MTHFSD: variants seen among roughly 807,000 people sequenced by gnomAD.
MTHFSD encodes methenyltetrahydrofolate synthetase domain containing.
MTHFSD carries 37 observed loss-of-function variants against 31.1 expected under a neutral mutation model. That is an observed-to-expected ratio of 1.19 (90% CI 0.91 to 1.56). MTHFSD has a LOEUF of 1.56. Among genes scored for constraint, MTHFSD ranks in the 40% most tolerant of loss-of-function variants. MTHFSD has a pLI of 0.00. For missense variants in MTHFSD, 664 were observed against 510.1 expected, an observed-to-expected ratio of 1.30 and a Z score of -2.91; for synonymous variants, 221 against 206.9, an observed-to-expected ratio of 1.07 and a Z score of -0.59.
intron 7 of MTHFSD, among the ~76,000 whole-genome samples, chr16:86,535,761 C>T (rs1047984653): frequency 2.0e-5 from 3 of 152,204 alleles, no homozygotes; most frequent in African/African-American, 7.2e-5. Flanking sequence ...ACATGCTGCT[C>T]TTACCATTTT....
rs1970020120 is a variant in MTHFSD at position 86,531,850 on chromosome 16, C to T, written c.*161G>A. 2 of 464,894 alleles carry T rather than the reference C, an allele frequency of 4.3e-6. No individual in the cohort carries two copies. The highest frequency in any genetic ancestry group is 4.0e-5 in the Admixed American group (1 of 25,102). 28.8% of individuals were successfully genotyped at this position (464,894 alleles called of 1,614,324 possible). ...TTCCCCACTCACAGGAGGGCCTGGG[C>T]GTTCACTGAGCGGTGACTTCTGAGA... is the stretch of plus-strand genomic sequence containing the variant. On this transcript the variant is annotated 3_prime_UTR_variant, in exon 8 of 8. Transcript: ENST00000360900. The surrounding 1 kb of genome is among the most constrained non-coding windows in gnomAD (Gnocchi z 5.5).
rs549661311 is a variant in MTHFSD, at chr16:86,542,877, A to G, written c.443-664T>C. Among the ~76,000 whole-genome samples, 3 of 152,214 alleles carry G rather than the reference A, an allele frequency of 2.0e-5. No homozygotes were observed. The highest frequency in any genetic ancestry group is 4.4e-5 in the Non-Finnish European group (3 of 68,030). ...AAATGCAGGAAGACAGGATACATCAAATGCCTTCTGGCCCCCATGGAGAAG... is the reference window on the plus strand; with the variant it reads ...AAATGCAGGAAGACAGGATACATCAGATGCCTTCTGGCCCCCATGGAGAAG... On this transcript the variant is annotated intron_variant, in intron 5 of 7. Transcript: ENST00000360900. This position sits in a 1 kb window ranked among gnomAD's most constrained non-coding sequence, Gnocchi z 4.6.
Position 86,555,186 on chromosome 16 carries a change from G to C in MTHFSD, c.-2C>G. On this transcript the variant is annotated 5_prime_UTR_variant, in exon 1 of 8. Transcript: ENST00000360900. ...CCCCCCACCTGCCCTCGGCTCCATG[G>C]TGATGCAGTCGCTGTGCGACGCTTC... is the stretch of plus-strand genomic sequence containing the variant. The C allele has an allele frequency of 6.5e-7, 1 of 1,537,256 alleles. No individual in the cohort carries two copies. Among genetic ancestry groups the C allele is most frequent in the Non-Finnish European group, 8.7e-7 (1 of 1,146,736 alleles).
intron 3 of MTHFSD, among the ~76,000 whole-genome samples, chr16:86,549,093 G>T (rs1223168447): frequency 6.6e-6 from 1 of 152,224 alleles, no homozygotes; most frequent in Non-Finnish European, 1.5e-5. Flanking sequence ...ACTGATACGT[G>T]CCAATAGCCC....
In MTHFSD at chr16:86,548,573, T is replaced by C; in HGVS notation, c.242A>G (p.Lys81Arg). ...TGGTGTTGGAACCAACAATGTTTTT[T>C]TGCTCTTTTAAAGAAAAGACAATCA... ...EGVRLLVLQS[K>R]KTLLVPTPRL... Residue 81 changes from lysine (K) to arginine (R), a missense_variant, in exon 4 of 8, where the codon AAA (lysine) becomes AGA (arginine). Lys to Arg is a conservative substitution (Grantham distance 26, BLOSUM62 2). Coordinates refer to ENST00000360900, the MANE Select transcript of MTHFSD (RefSeq NM_001159377.2). The C allele has an allele frequency of 1.2e-6, 2 of 1,608,234 alleles. No individual in the cohort carries two copies. The highest frequency in any genetic ancestry group is 2.2e-5 in the South Asian group (2 of 89,044).
At chr16:86,535,218 A>G (rs4843390) in intron 7 of MTHFSD, 849,280 of 984,596 alleles carry the variant, frequency 0.86, 366,521 homozygotes, top group African/African-American at 0.91. Flanking sequence ...GGCCGTTAGA[A>G]TGGAAATGTG....
At chr16:86,554,915 C>A in intron 1 of MTHFSD, 164 bp from the exon 2 acceptor site, 1 of 1,094,822 alleles carries the variant, frequency 9.1e-7, no homozygotes, top group Non-Finnish European at 1.3e-6. Context: ...CGGGCTCCCC[C>A]ACGTGCACGG....
chr16:86,550,714 C>T (rs181838435), intron 3 of MTHFSD, among the ~76,000 whole-genome samples: 99 of 152,348 alleles, frequency 6.5e-4, no homozygotes, highest in Non-Finnish European at 1.3e-3. Context: ...CTTGCTACTG[C>T]TGCTATTACT....
At chr16:86,535,715 A>G (rs1970604726) in intron 7 of MTHFSD, among the ~76,000 whole-genome samples, 1 of 152,234 alleles carries the variant, frequency 6.6e-6, no homozygotes, top group African/African-American at 2.4e-5. Context: ...AACTGCTCAA[A>G]AAAGCAGACA....
intron 2 of MTHFSD, among the ~76,000 whole-genome samples, chr16:86,552,986 AC>A (rs1471239162): frequency 2.0e-5 from 3 of 151,424 alleles, no homozygotes; most frequent in African/African-American, 7.3e-5. Flanking sequence ...CTTCCGAGTA[AC>A]CTTTTTTTTT....
chr16:86,554,754 G>C lies in MTHFSD; in HGVS notation c.17-3C>G. 6.2e-7 allele frequency: 1 copy of C among 1,607,788 alleles called. No individual in the cohort carries two copies. Among genetic ancestry groups the C allele is most frequent in the Non-Finnish European group, 8.5e-7 (1 of 1,174,588 alleles). ...TATGTCCTGTTTGGAGACACCTACT[G>C]CAACAAAAGATTCCCACTTAATAAC... On this transcript the variant is annotated splice_region_variant and splice_polypyrimidine_tract_variant and intron_variant, in intron 1 of 7. Transcript: ENST00000360900.
At chr16:86,535,193 A>G (rs947993674) in intron 7 of MTHFSD, 1 of 888,558 alleles carries the variant, frequency 1.1e-6, no homozygotes, top group African/African-American at 3.3e-5. Context: ...GCACTGGCAC[A>G]CTGGCATCCG....
chr16:86,533,333 G>A (rs1970235462), intron 7 of MTHFSD: 1 of 152,210 alleles, frequency 6.6e-6, no homozygotes, highest in South Asian at 2.1e-4. Flanking sequence ...GACAAGTCAG[G>A]TGACGCCTGG....
At position 86,541,690 on chromosome 16, in the gene MTHFSD, G is replaced by A; in HGVS notation, c.681+7C>T. ...ACAGGCCAGAGCTGGCCACTGCCGT[G>A]ACCCACCTTGAACCAGGTGATTCCC... is the stretch of plus-strand genomic sequence containing the variant. On this transcript the variant is annotated splice_region_variant and intron_variant, in intron 7 of 7. Transcript: ENST00000360900. 6.2e-7 allele frequency: 1 copy of A among 1,612,128 alleles called. No individual in the cohort carries two copies. The highest frequency in any genetic ancestry group is 8.5e-7 in the Non-Finnish European group (1 of 1,179,202).
At chr16:86,554,796 G>A (rs748575108) in intron 1 of MTHFSD, 45 bp from the exon 2 acceptor site, 1 of 1,536,886 alleles carries the variant, frequency 6.5e-7, no homozygotes, top group South Asian at 1.1e-5. Flanking sequence ...AGGAATTCCA[G>A]AGCCCATGCT....
At chr16:86,554,105 C>T (rs138717117) in intron 2 of MTHFSD, among the ~76,000 whole-genome samples, 1 of 152,156 alleles carries the variant, frequency 6.6e-6, no homozygotes, top group Non-Finnish European at 1.5e-5. Context: ...GAACCAGCAG[C>T]AACAACCCTC....
intron 2 of MTHFSD, 120 bp from the exon 3 acceptor site, chr16:86,552,266 G>A (rs1235720469): frequency 1.3e-6 from 2 of 1,598,982 alleles, no homozygotes; most frequent in African/African-American, 1.3e-5. Context: ...GCAAGCGTGG[G>A]AGTTGCTCGG....
At chr16:86,546,819 G>A (rs145819961) in intron 4 of MTHFSD, among the ~76,000 whole-genome samples, 170 bp from the exon 5 acceptor site, 3 of 152,328 alleles carry the variant, frequency 2.0e-5, no homozygotes, top group African/African-American at 7.2e-5. Context: ...TCCAGAAACC[G>A]CTTTAGGGCA....
At chr16:86,547,921 T>C in intron 4 of MTHFSD, 1 of 680,220 alleles carries the variant, frequency 1.5e-6, no homozygotes, top group Middle Eastern at 6.0e-4. Flanking sequence ...AACTGTAAAA[T>C]ACATGACCAA....
Sources: allele counts gnomAD v4.1 joint callset (sites outside exome capture counted in the v4.1 genomes callset), GRCh38; gene constraint gnomAD v4.1.1; non-coding constraint Gnocchi (gnomAD v3.1); transcripts MANE v1.5; gene names NCBI Gene and HGNC (gene_info 2026-07-23, HGNC 2026-07-21).